Variants in DZIP1 observed in about 807,000 individuals in gnomAD.
DZIP1 encodes the protein cilium assembly protein DZIP1.
Under a neutral mutation model 107.6 loss-of-function variants are expected in DZIP1, and 97 were observed. That is an observed-to-expected ratio of 0.90 (90% CI 0.77 to 1.07). The LOEUF is 1.07. Among genes scored for constraint, DZIP1 ranks in the 50% least tolerant of loss-of-function variants. The pLI, the probability that DZIP1 is intolerant of heterozygous loss-of-function variation, is 0.00. For synonymous variants in DZIP1, 390 were observed against 386.4 expected (o/e 1.01, Z -0.11); for missense variants, 1,035 against 1,063.6 (o/e 0.97, Z 0.37).
At chr13:95,627,715 G>A (rs967307527) in intron 7 of DZIP1, among the ~76,000 whole-genome samples, 1 of 152,202 alleles carries the variant, frequency 6.6e-6, no homozygotes. Flanking sequence ...TACTGTGGAA[G>A]ACAGTTTGGT....
At chr13:95,637,193 A>G (rs766642584) in intron 5 of DZIP1, 1 of 152,256 alleles carries the variant, frequency 6.6e-6, no homozygotes, top group African/African-American at 2.4e-5. Context: ...ATTAAGAGAT[A>G]ATTCAAAATG....
At chr13:95,621,601 G>A (rs1594713433) in intron 9 of DZIP1, among the ~76,000 whole-genome samples, 1 of 150,816 alleles carries the variant, frequency 6.6e-6, no homozygotes, top group African/African-American at 2.4e-5. Context: ...CTAAACCGCT[G>A]TCACTTCCAA....
At chr13:95,605,157 A>G (rs993468503) in intron 14 of DZIP1, among the ~76,000 whole-genome samples, 1 of 152,244 alleles carries the variant, frequency 6.6e-6, no homozygotes, top group African/African-American at 2.4e-5. Context: ...ACAGATCACA[A>G]TATCTATGAA....
In DZIP1 at chr13:95,589,792, G is replaced by A. The variant is rs760614640; in HGVS notation, c.1973+11C>T. ...CACTGATAAAATAAATCTGAGGGCT[G>A]AAATACTCACTTTGGAACAGATGTC... On this transcript the variant is annotated intron_variant, in intron 18 of 22. Coordinates refer to ENST00000376829, the MANE Select transcript of DZIP1 (RefSeq NM_198968.4). 14 of 1,611,326 alleles carry A rather than the reference G, an allele frequency of 8.7e-6. No homozygotes were observed. The highest frequency in any genetic ancestry group is 1.2e-5 in the Non-Finnish European group (14 of 1,178,958).
rs34000481 is a variant in DZIP1 at position 95,639,590 on chromosome 13, C to CAA, written c.597+1703_597+1704dup. On this transcript the variant is annotated intron_variant, in intron 5 of 22. Transcript: ENST00000376829. ...TGGGCGACAGAGTGAGACTCCATCT[C>CAA]AAAAAAAAAAAAAAAAAGAGAGAGA... Among the ~76,000 whole-genome samples the CAA allele has an allele frequency of 5.8e-3, 492 of 85,122 alleles. 6 individuals are homozygous for CAA. Among genetic ancestry groups the CAA allele is most frequent in the East Asian group, 0.024 (82 of 3,386 alleles). 55.8% of individuals were successfully genotyped at this position (85,122 alleles called of 152,430 possible).
rs555362256 is a variant in DZIP1, at chr13:95,644,502, G to C, written c.-651C>G. On this transcript the variant is annotated 5_prime_UTR_variant, in exon 1 of 23. Coordinates refer to ENST00000376829, the MANE Select transcript of DZIP1 (RefSeq NM_198968.4). ...GCGGAGGCCGAGGAGCAGCAAAGCGGAGAGAGGCAGGCCGGCTCCTTCTTG... is the reference window on the plus strand; with the variant it reads ...GCGGAGGCCGAGGAGCAGCAAAGCGCAGAGAGGCAGGCCGGCTCCTTCTTG... The C allele has an allele frequency of 1.0e-4, 16 of 153,106 alleles. No homozygotes were observed. Among genetic ancestry groups the C allele is most frequent in the African/African-American group, 3.8e-4 (16 of 41,594 alleles). 9.5% of individuals were successfully genotyped at this position (153,106 alleles called of 1,614,324 possible). A position where few individuals can be genotyped will look rare whatever the true frequency, so the allele number is the denominator to read the frequency against.
chr13:95,607,383 A>G (rs971854867), intron 13 of DZIP1, among the ~76,000 whole-genome samples: 2 of 152,144 alleles, frequency 1.3e-5, no homozygotes, highest in African/African-American at 2.4e-5. Context: ...TTTTATCTTC[A>G]CAATGGCTTC....
chr13:95,639,409 G>A (rs575278586), intron 5 of DZIP1, among the ~76,000 whole-genome samples: 26 of 152,098 alleles, frequency 1.7e-4, no homozygotes, highest in African/African-American at 5.1e-4. Flanking sequence ...TGGCCAACAC[G>A]GTGAAACCTC....
rs373136180 is a variant in DZIP1, at chr13:95,602,709, T to C, written c.1478-3285A>G. 1.2e-4 allele frequency among the ~76,000 whole-genome samples: 19 copies of C among 152,368 alleles called. No homozygotes were observed. The East Asian group carries it at 3.3e-3, about 26-fold the overall frequency. ...AGATCCTGTTGGCACATCCAAACAT[T>C]TCCCCTTGTGACTGCACATAAGCAT... On this transcript the variant is annotated intron_variant, in intron 14 of 22. Coordinates refer to ENST00000376829, the MANE Select transcript of DZIP1 (RefSeq NM_198968.4).
At chr13:95,627,577 C>T (rs1018604674) in intron 7 of DZIP1, among the ~76,000 whole-genome samples, 1 of 152,082 alleles carries the variant, frequency 6.6e-6, no homozygotes, top group Non-Finnish European at 1.5e-5. Context: ...AATCAAACTC[C>T]GATGAGATAC....
intron 14 of DZIP1, among the ~76,000 whole-genome samples, chr13:95,605,389 T>C (rs936728174): frequency 6.6e-6 from 1 of 152,228 alleles, no homozygotes; most frequent in Non-Finnish European, 1.5e-5. Context: ...GTAAGCACTT[T>C]AACTGTATAA....
At chr13:95,637,530 G>A (rs1403678393) in intron 5 of DZIP1, among the ~76,000 whole-genome samples, 5 of 151,868 alleles carry the variant, frequency 3.3e-5, no homozygotes, top group Non-Finnish European at 7.4e-5. Context: ...TTTGAGCCTA[G>A]GAGTTTAAGG....
chr13:95,629,882 G>A (rs1453807391), intron 7 of DZIP1, 107 bp downstream of exon 7: 11 of 1,188,420 alleles, frequency 9.3e-6, no homozygotes, highest in Non-Finnish European at 1.2e-5. Context: ...CAATCATCTT[G>A]TCAAATTCAC....
intron 10 of DZIP1, among the ~76,000 whole-genome samples, chr13:95,618,216 TC>T (rs1360787257): frequency 6.6e-6 from 1 of 152,198 alleles, no homozygotes; most frequent in East Asian, 1.9e-4. Flanking sequence ...TCACTCCTAC[TC>T]CCTTCTGTAC....
At chr13:95,599,477 A>T (rs1447468874) in intron 14 of DZIP1, 53 bp from the exon 15 acceptor site, 1 of 1,401,044 alleles carries the variant, frequency 7.1e-7, no homozygotes, top group African/African-American at 1.4e-5. Context: ...GCAAAGTTAC[A>T]TTAGTTTCCT....
Position 95,642,082 on chromosome 13 carries a change from C to T in DZIP1, c.-53G>A. 4 of 1,484,114 alleles carry T rather than the reference C, an allele frequency of 2.7e-6. No homozygotes were observed. Among genetic ancestry groups the T allele is most frequent in the Non-Finnish European group, 3.6e-6 (4 of 1,126,756 alleles). The allele number at this position is 1,484,114 out of a possible 1,614,324, so 91.9% of individuals were successfully genotyped here. On this transcript the variant is annotated 5_prime_UTR_variant, in exon 4 of 23. Coordinates refer to ENST00000376829, the MANE Select transcript of DZIP1 (RefSeq NM_198968.4). ...CCTGGGCCGCCTCCCGGGCCGCCGC[C>T]GCCACAGCCCTCAGGAGCGGGAGAA...
intron 8 of DZIP1, among the ~76,000 whole-genome samples, chr13:95,623,529 C>T (rs933758151): frequency 2.6e-5 from 4 of 152,250 alleles, no homozygotes; most frequent in African/African-American, 9.6e-5. Context: ...ACAGACAGAG[C>T]GTAAATTACC....
intron 22 of DZIP1, chr13:95,584,510 A>C: frequency 1.2e-6 from 1 of 867,930 alleles, no homozygotes; most frequent in Non-Finnish European, 1.5e-6. Flanking sequence ...TAAATTAAAA[A>C]TTTAAAGACT....
At chr13:95,627,361 C>T (rs1174584957) in intron 7 of DZIP1, among the ~76,000 whole-genome samples, 2 of 152,082 alleles carry the variant, frequency 1.3e-5, no homozygotes, top group Non-Finnish European at 2.9e-5. Context: ...AAAATTAACT[C>T]AAAATAGACC....
Sources: allele counts gnomAD v4.1 joint callset (sites outside exome capture counted in the v4.1 genomes callset), GRCh38; gene constraint gnomAD v4.1.1; transcripts MANE v1.5; gene names NCBI Gene and HGNC (gene_info 2026-07-23, HGNC 2026-07-21).